GRIK1: variants seen among roughly 807,000 people sequenced by gnomAD.
GRIK1 encodes glutamate ionotropic receptor kainate type subunit 1, also known as glutamate receptor ionotropic, kainate 1.
GRIK1 carries 69 observed loss-of-function variants against 105.7 expected under a neutral mutation model. That is an observed-to-expected ratio of 0.65 (90% CI 0.54 to 0.80). The LOEUF (loss-of-function observed/expected upper bound fraction) is 0.80, where lower values mean the gene tolerates loss of function less well. Ranked by LOEUF, GRIK1 falls within the 30% of genes least tolerant of loss-of-function variation. The pLI is 0.00. For synonymous variants in GRIK1, 438 were observed against 431.3 expected, an observed-to-expected ratio of 1.02 and a Z score of -0.19; for missense variants, 1,109 against 1,167.3, an observed-to-expected ratio of 0.95 and a Z score of 0.73.
At position 29,596,493 on chromosome 21, in the gene GRIK1, C is replaced by T. The variant is rs374195550; in HGVS notation, c.1251+33G>A. On this transcript the variant is annotated intron_variant, in intron 9 of 17. Coordinates refer to ENST00000327783, the MANE Select transcript of GRIK1 (RefSeq NM_001330994.2). ...CCAATGACATTCCCCATCCCACCCC[C>T]AGGTTTCCTGCAGTTGTTGTCAGAG... 4 of 1,488,036 alleles carry T rather than the reference C, an allele frequency of 2.7e-6. No individual in the cohort carries two copies. In the African/African-American group the frequency reaches 4.1e-5, roughly 15 times the overall value. The allele number at this position is 1,488,036 out of a possible 1,614,324, so 92.2% of individuals were successfully genotyped here.
intron 1 of GRIK1, among the ~76,000 whole-genome samples, chr21:29,752,029 G>A (rs1481066586): frequency 6.6e-6 from 1 of 152,200 alleles, no homozygotes; most frequent in East Asian, 1.9e-4. Context: ...AAAATGCTAA[G>A]CCTTTTTAGT....
chr21:29,906,383 A>C (rs1202956268), intron 1 of GRIK1, among the ~76,000 whole-genome samples: 8 of 152,242 alleles, frequency 5.3e-5, no homozygotes, highest in Non-Finnish European at 8.8e-5. Context: ...ACAATCTAAG[A>C]AACTTCAAGC....
chr21:29,649,513 A>G (rs909291951), intron 6 of GRIK1, among the ~76,000 whole-genome samples: 1 of 152,068 alleles, frequency 6.6e-6, no homozygotes, highest in Non-Finnish European at 1.5e-5. Flanking sequence ...ACCTTATCAC[A>G]CTTCCTGCCC....
chr21:29,923,517 C>T (rs1184436722), intron 1 of GRIK1, among the ~76,000 whole-genome samples: 1 of 152,022 alleles, frequency 6.6e-6, no homozygotes, highest in East Asian at 1.9e-4. Flanking sequence ...TGAAATATAC[C>T]ATGGAGTTAC....
At chr21:29,555,990 T>G (rs535046863) in intron 15 of GRIK1, among the ~76,000 whole-genome samples, 1 of 152,168 alleles carries the variant, frequency 6.6e-6, no homozygotes, top group African/African-American at 2.4e-5. Context: ...CCACCAGATA[T>G]ACCTTTCATT....
intron 5 of GRIK1, among the ~76,000 whole-genome samples, chr21:29,652,477 T>C (rs772077120): frequency 2.6e-5 from 4 of 152,190 alleles, no homozygotes; most frequent in Non-Finnish European, 5.9e-5. Flanking sequence ...CAAGGTTACA[T>C]GGATGCAAGA....
rs144855573 is a variant in GRIK1 at position 29,673,162 on chromosome 21, G to A, written c.547C>T (p.Leu183=). 2.2e-3 allele frequency: 3,493 copies of A among 1,601,504 alleles called. 13 individuals are homozygous for A. Among genetic ancestry groups the A allele is most frequent in the Middle Eastern group, 3.7e-3 (22 of 5,994 alleles). ...VTVVYEDSTG[L]IRLQELIKAP... The stretch of plus-strand genomic sequence containing the variant: ...TTGATGAGCTCTTGTAGACGAATTA[G>A]ACCTAGAAAATGACATGCAATCATG... Residue 183 remains leucine (L), a splice_region_variant and synonymous_variant, in exon 4 of 18, where the codon CTA becomes TTA. Transcript: ENST00000327783.
rs779813489 is a variant in GRIK1 at position 29,673,046 on chromosome 21, T to C, written c.663A>G (p.Lys221=). The change falls in exon 4 of 18, where the codon AAA becomes AAG. Residue 221 remains lysine, a synonymous_variant. Coordinates refer to ENST00000327783, the MANE Select transcript of GRIK1 (RefSeq NM_001330994.2). ...DAKPLLKEMK[K]GKEFYVIFDC... The stretch of plus-strand genomic sequence containing the variant: ...CAAATATCACATAGAACTCCTTGCC[T>C]TTCTTCATCTCCTTGAGTAAAGGCT... 3.7e-6 allele frequency: 6 copies of C among 1,613,416 alleles called. No homozygotes were observed. In the South Asian group the frequency reaches 5.5e-5, roughly 15 times the overall value.
At chr21:29,918,317 G>A (rs944982993) in intron 1 of GRIK1, among the ~76,000 whole-genome samples, 2 of 151,960 alleles carry the variant, frequency 1.3e-5, no homozygotes, top group Non-Finnish European at 1.5e-5. Context: ...TGTACTAATC[G>A]CTTTTCATAT....
At chr21:29,697,165 A>G (rs760748487) in intron 1 of GRIK1, among the ~76,000 whole-genome samples, 13 of 152,154 alleles carry the variant, frequency 8.5e-5, no homozygotes, top group Non-Finnish European at 1.8e-4. Flanking sequence ...CATACATGTG[A>G]GCTAATAGTG....
Position 29,695,605 on chromosome 21 carries a change from G to A in GRIK1, c.119-1542C>T, listed in dbSNP as rs926435312. Among the ~76,000 whole-genome samples the A allele has an allele frequency of 2.0e-5, 3 of 152,222 alleles. No individual in the cohort carries two copies. The South Asian group carries it at 6.2e-4, about 32-fold the overall frequency. ...TTCTCCTGCCTCAGCTACCTGAGTA[G>A]CTGGGATTACAGGCATGCACCACCA... On this transcript the variant is annotated intron_variant, in intron 1 of 17. Coordinates refer to ENST00000327783, the MANE Select transcript of GRIK1 (RefSeq NM_001330994.2).
At chr21:29,693,800 A>G in intron 2 of GRIK1, 96 bp downstream of exon 2, 1 of 858,616 alleles carries the variant, frequency 1.2e-6, no homozygotes, top group Non-Finnish European at 1.9e-6. Flanking sequence ...TTGCACAAAG[A>G]TGCCCGCTTT....
intron 1 of GRIK1, among the ~76,000 whole-genome samples, chr21:29,876,155 G>T: frequency 6.8e-6 from 1 of 146,932 alleles, no homozygotes; most frequent in East Asian, 2.0e-4. Context: ...TTTCCTGGCT[G>T]TTGTTAACTA....
intron 16 of GRIK1, among the ~76,000 whole-genome samples, chr21:29,550,849 C>T (rs1236780802): frequency 1.3e-5 from 2 of 152,162 alleles, no homozygotes; most frequent in Non-Finnish European, 1.5e-5. Context: ...TTAATTATTT[C>T]ATTTTCTATG....
intron 1 of GRIK1, among the ~76,000 whole-genome samples, chr21:29,843,955 C>T (rs1467435530): frequency 6.6e-6 from 1 of 152,202 alleles, no homozygotes; most frequent in Non-Finnish European, 1.5e-5. Context: ...TCCAAGTTTT[C>T]ACTCTGTGAT....
At chr21:29,550,970 A>G (rs2090124257) in intron 16 of GRIK1, among the ~76,000 whole-genome samples, 1 of 152,226 alleles carries the variant, frequency 6.6e-6, no homozygotes, top group Non-Finnish European at 1.5e-5. Context: ...ATACATAATT[A>G]TTTATTGAGT....
At chr21:29,740,467 CGGTCTCCCAAAGTGCT>C (rs2064899911) in intron 1 of GRIK1, among the ~76,000 whole-genome samples, 1 of 152,146 alleles carries the variant, frequency 6.6e-6, no homozygotes, top group African/African-American at 2.4e-5. Context: ...CTGCCCGCCT[CGGTCTCCCAAAGTGCT>C]GGGATTTCAG....
At chr21:29,831,703 C>T (rs542508036) in intron 1 of GRIK1, among the ~76,000 whole-genome samples, 45 of 152,090 alleles carry the variant, frequency 3.0e-4, no homozygotes, top group Non-Finnish European at 5.1e-4. Flanking sequence ...ACCCACCAGA[C>T]CCCTCCTCCA....
chr21:29,912,776 G>A (rs1315445763), intron 1 of GRIK1, among the ~76,000 whole-genome samples: 1 of 152,022 alleles, frequency 6.6e-6, no homozygotes, highest in Non-Finnish European at 1.5e-5. Context: ...CAAAAGGAGA[G>A]ATGATGATGA....
Sources: allele counts gnomAD v4.1 joint callset (sites outside exome capture counted in the v4.1 genomes callset), GRCh38; gene constraint gnomAD v4.1.1; transcripts MANE v1.5; gene names NCBI Gene and HGNC (gene_info 2026-07-23, HGNC 2026-07-21).